The following SFRP1 variants were observed in gnomAD, a reference collection of about 807,000 sequenced individuals.
SFRP1 encodes secreted frizzled related protein 1.
A neutral mutation model predicts 25.9 loss-of-function variants in SFRP1; 9 were observed. The ratio of observed to expected loss-of-function variants is 0.35; its 90% CI spans 0.21 to 0.61. The LOEUF (loss-of-function observed/expected upper bound fraction) is 0.61, where lower values mean the gene tolerates loss of function less well. SFRP1 is among the 20% of genes least tolerant of loss of function. The pLI is 0.78. For missense variants in SFRP1, 346 were observed against 418.2 expected (o/e 0.83, Z 1.51); for synonymous variants, 178 against 174.0 (o/e 1.02, Z -0.18).
chr8:41,272,797 T>A (rs1803527473), intron 2 of SFRP1, among the ~76,000 whole-genome samples: 1 of 151,594 alleles, frequency 6.6e-6, no homozygotes, highest in Admixed American at 6.6e-5. Flanking sequence ...CGGCAGAAAA[T>A]ACCAAAGAAA....
At position 41,266,507 on chromosome 8, in the gene SFRP1, C is replaced by T. The variant is rs960468696; in HGVS notation, c.623-1018G>A. ...CTGGAGTGCAGTGTCTCGATCTCGG[C>T]TCACTGCAGCCTCAAACTCCCGGGC... On this transcript the variant is annotated intron_variant, in intron 2 of 2. Transcript: ENST00000220772. Among the ~76,000 whole-genome samples, 4 of 152,088 alleles carry T rather than the reference C, an allele frequency of 2.6e-5. No individual in the cohort carries two copies. In the East Asian group the frequency reaches 5.8e-4, roughly 22 times the overall value.
rs528994209 is a variant in SFRP1 at position 41,302,966 on chromosome 8, T to A, written c.622+495A>T. 2.6e-3 allele frequency among the ~76,000 whole-genome samples: 386 copies of A among 150,880 alleles called. 2 individuals are homozygous for A. Among genetic ancestry groups the A allele is most frequent in the South Asian group, 7.6e-3 (36 of 4,764 alleles). On this transcript the variant is annotated intron_variant, in intron 2 of 2. Coordinates refer to ENST00000220772, the MANE Select transcript of SFRP1 (RefSeq NM_003012.5). ...ACCCCCACTCTGAATCCCCTAAGCA[T>A]TGAACTCTCCCCTCCCTGGGAAGGC...
rs1804043132 is a variant in SFRP1 at position 41,309,315 on chromosome 8, G to A, written c.-156C>T. On this transcript the variant is annotated 5_prime_UTR_variant, in exon 1 of 3. Transcript: ENST00000220772. Reference sequence around the variant, plus strand: ...CCGCAAGCTGCTGCCCGGTCCCCCCGGCCAGTGGCGGCCCTCGGCCTGCGG... The same window carrying A: ...CCGCAAGCTGCTGCCCGGTCCCCCCAGCCAGTGGCGGCCCTCGGCCTGCGG... 4.6e-6 allele frequency: 4 copies of A among 863,702 alleles called. No homozygotes were observed. Among genetic ancestry groups the A allele is most frequent in the African/African-American group, 1.8e-5 (1 of 56,380 alleles). The allele number at this position is 863,702 out of a possible 1,614,324, so 53.5% of individuals were successfully genotyped here. A position where few individuals can be genotyped will look rare whatever the true frequency, so the allele number is the denominator to read the frequency against.
chr8:41,306,480 TACACAC>T (rs61425542), intron 1 of SFRP1, among the ~76,000 whole-genome samples: 4,756 of 147,400 alleles, frequency 0.032, 240 homozygotes, highest in African/African-American at 0.11. Context: ...TCTACACACC[TACACAC>T]ACACACACAC....
intron 2 of SFRP1, among the ~76,000 whole-genome samples, chr8:41,284,160 A>G (rs1014241754): frequency 2.0e-5 from 3 of 152,214 alleles, no homozygotes; most frequent in Non-Finnish European, 4.4e-5. Context: ...GAATCCAAGA[A>G]TAATAAGAAA....
intron 2 of SFRP1, among the ~76,000 whole-genome samples, chr8:41,268,871 C>T (rs900395416): frequency 2.6e-5 from 4 of 152,198 alleles, no homozygotes; most frequent in East Asian, 1.9e-4. Flanking sequence ...TGGGCCCCAG[C>T]GATGTTGCCC....
intron 1 of SFRP1, chr8:41,306,572 G>A: frequency 1.1e-6 from 1 of 906,470 alleles, no homozygotes; most frequent in Non-Finnish European, 1.6e-6. Context: ...ACCAGGGATT[G>A]CAGTCCTGGG....
rs113459078 is a variant in SFRP1 at position 41,282,380 on chromosome 8, G to A, written c.623-16891C>T. ...TTTTTTTAACTAGTCGGGCTTGGTC[G>A]TGTGGGCCTGTAGTCCCAGCTACTC... On this transcript the variant is annotated intron_variant, in intron 2 of 2. Coordinates refer to ENST00000220772, the MANE Select transcript of SFRP1 (RefSeq NM_003012.5). Among the ~76,000 whole-genome samples the A allele has an allele frequency of 3.8e-4, 58 of 152,166 alleles. No homozygotes were observed. The South Asian group carries it at 9.8e-3, about 26-fold the overall frequency.
intron 2 of SFRP1, among the ~76,000 whole-genome samples, chr8:41,282,903 C>T (rs1021233329): frequency 8.5e-5 from 13 of 152,106 alleles, no homozygotes; most frequent in African/African-American, 2.2e-4. Flanking sequence ...TTGCACTGAT[C>T]GGGCCAAAAT....
At chr8:41,279,455 T>C (rs547384341) in intron 2 of SFRP1, among the ~76,000 whole-genome samples, 2 of 152,272 alleles carry the variant, frequency 1.3e-5, no homozygotes, top group South Asian at 2.1e-4. Flanking sequence ...TTTCTAGATG[T>C]CTGGGAGCAG....
intron 2 of SFRP1, 49 bp from the exon 3 acceptor site, chr8:41,265,538 T>C (rs1205217294): frequency 6.6e-6 from 9 of 1,362,770 alleles, no homozygotes; most frequent in Non-Finnish European, 9.0e-6. Context: ...AGAGAAAGCA[T>C]TTAGAACACA....
At chr8:41,268,096 C>T (rs189781006) in intron 2 of SFRP1, among the ~76,000 whole-genome samples, 154 of 152,310 alleles carry the variant, frequency 1.0e-3, no homozygotes, top group Non-Finnish European at 1.6e-3. Flanking sequence ...GCTGACAAGG[C>T]GAGCGCCCTC....
chr8:41,282,982 G>A (rs1275820829), intron 2 of SFRP1, among the ~76,000 whole-genome samples: 1 of 152,026 alleles, frequency 6.6e-6, no homozygotes, highest in East Asian at 1.9e-4. Context: ...GGCTATCTAC[G>A]ATCTCATTCT....
chr8:41,279,862 C>T (rs1319368413), intron 2 of SFRP1, among the ~76,000 whole-genome samples: 1 of 152,188 alleles, frequency 6.6e-6, no homozygotes, highest in Non-Finnish European at 1.5e-5. Context: ...CCTCATCTCT[C>T]TGGACCTGAT....
chr8:41,302,029 A>G (rs1009772452), intron 2 of SFRP1, among the ~76,000 whole-genome samples: 1 of 152,218 alleles, frequency 6.6e-6, no homozygotes, highest in Admixed American at 6.5e-5. Flanking sequence ...TGAATCCTCC[A>G]ACTTCTGTCT....
intron 2 of SFRP1, among the ~76,000 whole-genome samples, chr8:41,293,299 C>T (rs1024224460): frequency 8.5e-5 from 13 of 152,192 alleles, no homozygotes; most frequent in African/African-American, 1.9e-4. Flanking sequence ...CAGACAGCTG[C>T]GAATTGGAAG....
chr8:41,306,180 G>A lies in SFRP1; in HGVS notation c.544+2436C>T, dbSNP rs916795382. Reference sequence around the variant, plus strand: ...GTATCAGCCTTTGCAGGGGAAAAATGTCAAGTCATTTCTCATTATCAGGTT... The same window carrying A: ...GTATCAGCCTTTGCAGGGGAAAAATATCAAGTCATTTCTCATTATCAGGTT... On this transcript the variant is annotated intron_variant, in intron 1 of 2. Transcript: ENST00000220772. 3.2e-4 allele frequency among the ~76,000 whole-genome samples: 49 copies of A among 151,160 alleles called. 1 individual carries two copies. Among genetic ancestry groups the A allele is most frequent in the Non-Finnish European group, 6.5e-4 (44 of 67,658 alleles).
chr8:41,291,431 G>A (rs190297089), intron 2 of SFRP1, among the ~76,000 whole-genome samples: 11 of 152,186 alleles, frequency 7.2e-5, no homozygotes, highest in South Asian at 2.1e-4. Flanking sequence ...GTGCAGCGTC[G>A]CAGCTCCTGG....
At chr8:41,283,242 G>C (rs1169670376) in intron 2 of SFRP1, among the ~76,000 whole-genome samples, 1 of 152,092 alleles carries the variant, frequency 6.6e-6, no homozygotes, top group Non-Finnish European at 1.5e-5. Context: ...AGACCACCAG[G>C]TAGGCGTCAC....
Sources: gnomAD v4.1 joint callset for allele counts (sites outside exome capture counted in the v4.1 genomes callset) on GRCh38, gnomAD v4.1.1 for gene constraint, MANE v1.5 for transcripts, NCBI Gene and HGNC (gene_info 2026-07-23, HGNC 2026-07-21) for gene names.